The following NHSL1 variants were observed in gnomAD, a reference collection of about 807,000 sequenced individuals.
NHSL1 encodes the protein NHS like 1.
A neutral mutation model predicts 95.0 loss-of-function variants in NHSL1; 48 were observed. The observed-to-expected ratio is 0.51, with a 90% CI of 0.40 to 0.64. NHSL1 has a LOEUF of 0.64. Ranked by LOEUF, NHSL1 falls within the 30% of genes least tolerant of loss-of-function variation. NHSL1 has a pLI of 0.00. For synonymous variants in NHSL1, 783 were observed against 833.9 expected, an observed-to-expected ratio of 0.94 and a Z score of 1.05; for missense variants, 1,971 against 2,077.7, an observed-to-expected ratio of 0.95 and a Z score of 1.00.
intron 1 of NHSL1, among the ~76,000 whole-genome samples, chr6:138,535,811 G>C (rs1466732857): frequency 1.3e-5 from 2 of 152,164 alleles, no homozygotes; most frequent in African/African-American, 4.8e-5. Context: ...CTGTAAAACA[G>C]CAAAAGACTC....
At chr6:138,604,935 T>G (rs1326233907) in intron 1 of NHSL1, among the ~76,000 whole-genome samples, 1 of 152,210 alleles carries the variant, frequency 6.6e-6, no homozygotes, top group Non-Finnish European at 1.5e-5. Flanking sequence ...GCACTACAAT[T>G]TAGTCATGAC....
At chr6:138,522,508 G>A (rs1781724401) in intron 1 of NHSL1, among the ~76,000 whole-genome samples, 1 of 152,188 alleles carries the variant, frequency 6.6e-6, no homozygotes, top group South Asian at 2.1e-4. Flanking sequence ...GAGCCGTGGT[G>A]GCAAGCACCT....
At chr6:138,538,439 C>A (rs997765216) in intron 1 of NHSL1, among the ~76,000 whole-genome samples, 6 of 152,174 alleles carry the variant, frequency 3.9e-5, no homozygotes, top group Non-Finnish European at 7.3e-5. Flanking sequence ...AGTTTCCCCA[C>A]GTGATCTTCT....
rs1785124418 is a variant in NHSL1 at position 138,653,950 on chromosome 6, C to T, written c.96+38526G>A. ...ACCAACCCAGTGATGCAGTAGCAAC[C>T]ACAGTTTGGAAAATACAGCTCCCTC... On this transcript the variant is annotated intron_variant, in intron 1 of 3. Transcript: ENST00000491526. Among the ~76,000 whole-genome samples, 4 of 152,148 alleles carry T rather than the reference C, an allele frequency of 2.6e-5. No homozygotes were observed. The South Asian group carries it at 8.3e-4, about 32-fold the overall frequency.
At chr6:138,456,453 G>A (rs374866415) in intron 3 of NHSL1, among the ~76,000 whole-genome samples, 8 of 152,340 alleles carry the variant, frequency 5.3e-5, no homozygotes, top group African/African-American at 1.9e-4. Context: ...TGACATGCCA[G>A]TTCAAAGAAT....
chr6:138,560,966 A>T (rs912643633), intron 1 of NHSL1, among the ~76,000 whole-genome samples: 3 of 152,230 alleles, frequency 2.0e-5, no homozygotes, highest in African/African-American at 7.2e-5. Context: ...ACAAAACTCA[A>T]GTGATACTGT....
At chr6:138,674,455 T>C (rs897147216) in intron 1 of NHSL1, among the ~76,000 whole-genome samples, 1 of 152,116 alleles carries the variant, frequency 6.6e-6, no homozygotes, top group African/African-American at 2.4e-5. Flanking sequence ...CTGTTTTTCC[T>C]AATGCTTTCC....
rs927645086 is a variant in NHSL1, at chr6:138,454,489, C to G, written c.340-7296G>C. On this transcript the variant is annotated intron_variant, in intron 3 of 7. Coordinates refer to ENST00000343505, the MANE Select transcript of NHSL1 (RefSeq NM_001144060.2). The stretch of plus-strand genomic sequence containing the variant: ...GGACTGTGGCAAAGGCTCTACTCCC[C>G]ATACAGTCATTACTGGGGGAAAAAC... Among the ~76,000 whole-genome samples the G allele has an allele frequency of 2.0e-5, 3 of 149,672 alleles. No individual in the cohort carries two copies. The South Asian group carries it at 6.2e-4, about 31-fold the overall frequency.
intron 1 of NHSL1, among the ~76,000 whole-genome samples, chr6:138,583,522 G>A (rs968736994): frequency 4.6e-5 from 7 of 152,050 alleles, no homozygotes; most frequent in African/African-American, 1.4e-4. Flanking sequence ...GAGATGCTGC[G>A]CTTCACCCGT....
At chr6:138,622,611 A>G (rs188961667) in intron 1 of NHSL1, among the ~76,000 whole-genome samples, 3 of 152,372 alleles carry the variant, frequency 2.0e-5, no homozygotes, top group Non-Finnish European at 2.9e-5. Flanking sequence ...AAAATCTGCC[A>G]TAAGCCAAGG....
intron 1 of NHSL1, among the ~76,000 whole-genome samples, chr6:138,676,553 A>G (rs77289104): frequency 1.3e-4 from 20 of 152,364 alleles, no homozygotes; most frequent in African/African-American, 4.6e-4. Flanking sequence ...CCCATTTTAC[A>G]GAGGAAAGAA....
intron 2 of NHSL1, among the ~76,000 whole-genome samples, chr6:138,491,500 A>G (rs1583294781): frequency 6.6e-6 from 1 of 152,226 alleles, no homozygotes. Context: ...GCCAAAAACT[A>G]TGCAGATAAA....
Position 138,432,670 on chromosome 6 carries a change from C to G in NHSL1, c.1675G>C (p.Gly559Arg). The change falls in exon 6 of 8, where the codon GGT (glycine) becomes CGT (arginine). Residue 559 changes from glycine (G) to arginine (R), a missense_variant. By Grantham distance (125) the Gly-to-Arg change is moderately radical. This residue lies in a region of NHSL1 where 1,602 missense variants were observed against 1,654.5 expected (regional missense o/e 0.97). Coordinates refer to ENST00000343505, the MANE Select transcript of NHSL1 (RefSeq NM_001144060.2). This position sits in a 1 kb window ranked among gnomAD's most constrained non-coding sequence, Gnocchi z 4.4. ...SSEPWEYKSS[G>R]NGRASPLKPH... ...TTCAGGGGGGATGCCCTTCCATTAC[C>G]TGAGGATTTGTATTCCCAGGGCTCC... 12 of 1,551,722 alleles carry G rather than the reference C, an allele frequency of 7.7e-6. No individual in the cohort carries two copies. Among genetic ancestry groups the G allele is most frequent in the Non-Finnish European group, 8.7e-6 (10 of 1,146,986 alleles).
intron 1 of NHSL1, among the ~76,000 whole-genome samples, chr6:138,583,138 T>G (rs1583433685): frequency 6.6e-6 from 1 of 152,172 alleles, no homozygotes; most frequent in African/African-American, 2.4e-5. Flanking sequence ...GGATGGCTGG[T>G]CACCTTGGCG....
At position 138,423,387 on chromosome 6, in the gene NHSL1, C is replaced by T. The variant is rs1048783100; in HGVS notation, c.*694G>A. ...GTATGTGGCTGCACAGCAGCAGGCACCAGGTTACAGCATTGCCACTTCTAC... is the reference window on the plus strand; with the variant it reads ...GTATGTGGCTGCACAGCAGCAGGCATCAGGTTACAGCATTGCCACTTCTAC... On this transcript the variant is annotated 3_prime_UTR_variant, in exon 8 of 8. Transcript: ENST00000343505. 6.6e-6 allele frequency: 1 copy of T among 152,158 alleles called. No homozygotes were observed. The highest frequency in any genetic ancestry group is 1.5e-5 in the Non-Finnish European group (1 of 68,036). 9.4% of individuals were successfully genotyped at this position (152,158 alleles called of 1,614,324 possible). A position where few individuals can be genotyped will look rare whatever the true frequency, so the allele number is the denominator to read the frequency against.
upstream of NHSL1, among the ~76,000 whole-genome samples, chr6:138,574,274 C>T (rs969625923): frequency 3.3e-5 from 5 of 152,136 alleles, no homozygotes; most frequent in African/African-American, 1.2e-4. Flanking sequence ...GTGCATAACA[C>T]CAGTGGCTAA....
intron 1 of NHSL1, among the ~76,000 whole-genome samples, chr6:138,607,588 T>C (rs1488848405): frequency 6.6e-6 from 1 of 152,194 alleles, no homozygotes; most frequent in African/African-American, 2.4e-5. Context: ...TTCTTCAGCA[T>C]ACAAAAGCTT....
intron 1 of NHSL1, among the ~76,000 whole-genome samples, chr6:138,521,163 C>T (rs1383809176): frequency 6.6e-6 from 1 of 152,172 alleles, no homozygotes; most frequent in Non-Finnish European, 1.5e-5. Flanking sequence ...CAATAGTATT[C>T]GTTTCAAAAC....
chr6:138,486,400 C>G (rs927360260), intron 2 of NHSL1, among the ~76,000 whole-genome samples: 11 of 152,088 alleles, frequency 7.2e-5, no homozygotes, highest in Admixed American at 1.3e-4. Flanking sequence ...TGAAACTGCC[C>G]TTTCAAAGGT....
Sources: allele counts gnomAD v4.1 joint callset (sites outside exome capture counted in the v4.1 genomes callset), GRCh38; gene constraint gnomAD v4.1.1; regional missense constraint gnomAD v4.1.1; non-coding constraint Gnocchi (gnomAD v3.1); transcripts MANE v1.5; gene names NCBI Gene and HGNC (gene_info 2026-07-23, HGNC 2026-07-21).